The following VWA3B variants were observed in gnomAD, a reference collection of about 807,000 sequenced individuals.
VWA3B encodes von Willebrand factor A domain-containing protein 3B.
In VWA3B, 138 loss-of-function variants were observed where a neutral mutation model predicts 158.3. The ratio of observed to expected loss-of-function variants is 0.87; its 90% CI spans 0.76 to 1.00. The LOEUF is 1.00. Among genes scored for constraint, VWA3B ranks in the 50% least tolerant of loss-of-function variants. VWA3B has a pLI of 0.00. For missense variants in VWA3B, 1,555 were observed against 1,565.1 expected, an observed-to-expected ratio of 0.99 and a Z score of 0.11; for synonymous variants, 596 against 587.3, an observed-to-expected ratio of 1.01 and a Z score of -0.21.
intron 9 of VWA3B, among the ~76,000 whole-genome samples, chr2:98,181,996 G>A (rs1484015362): frequency 6.6e-6 from 1 of 152,244 alleles, no homozygotes; most frequent in African/African-American, 2.4e-5. Flanking sequence ...GTGTCCCAAT[G>A]TGAAATAGAA....
chr2:98,208,462 G>A (rs1027106026), intron 12 of VWA3B, among the ~76,000 whole-genome samples: 1 of 151,848 alleles, frequency 6.6e-6, no homozygotes, highest in Non-Finnish European at 1.5e-5. Context: ...CTTCCTATGG[G>A]TTATTTGAGC....
At chr2:98,185,711 C>T (rs958531492) in intron 9 of VWA3B, among the ~76,000 whole-genome samples, 7 of 152,144 alleles carry the variant, frequency 4.6e-5, no homozygotes, top group African/African-American at 7.2e-5. Context: ...TCTCCCAGGC[C>T]GAATTGTCCT....
chr2:98,290,163 G>A (rs1689400776), intron 22 of VWA3B, among the ~76,000 whole-genome samples: 1 of 152,150 alleles, frequency 6.6e-6, no homozygotes, highest in Non-Finnish European at 1.5e-5. Context: ...CAATTGGGGA[G>A]GCCACAGGAA....
At chr2:98,214,542 T>C (rs1683813781) in intron 13 of VWA3B, among the ~76,000 whole-genome samples, 1 of 152,194 alleles carries the variant, frequency 6.6e-6, no homozygotes, top group African/African-American at 2.4e-5. Context: ...TTTTTTTGTA[T>C]CTCCTTTCAG....
intron 12 of VWA3B, among the ~76,000 whole-genome samples, chr2:98,198,484 C>T (rs745762794): frequency 6.6e-6 from 1 of 152,090 alleles, no homozygotes; most frequent in Non-Finnish European, 1.5e-5. Context: ...TCATTGGTTA[C>T]AGTCTGCATT....
At chr2:98,188,336 G>A (rs111309527) in intron 10 of VWA3B, among the ~76,000 whole-genome samples, 4,981 of 152,082 alleles carry the variant, frequency 0.033, 266 homozygotes, top group African/African-American at 0.11. Context: ...AACACACGTC[G>A]TTTCTGTATG....
intron 12 of VWA3B, chr2:98,206,911 G>A (rs1683068143): frequency 2.3e-6 from 1 of 440,340 alleles, no homozygotes. Context: ...GTCTGGTGTT[G>A]TCAACTTAAA....
chr2:98,123,107 G>A (rs1042551647), intron 5 of VWA3B, among the ~76,000 whole-genome samples: 5 of 152,172 alleles, frequency 3.3e-5, no homozygotes, highest in Non-Finnish European at 7.3e-5. Flanking sequence ...GGGGGAGTGG[G>A]TTCCCATAAG....
chr2:98,316,572 G>A (rs1231705702), downstream of VWA3B, among the ~76,000 whole-genome samples: 6 of 151,406 alleles, frequency 4.0e-5, no homozygotes, highest in Non-Finnish European at 7.4e-5. Context: ...GCTTGAACCC[G>A]TGAGGCAGAG....
At chr2:98,326,732 G>C in the VWA3B span, among the ~76,000 whole-genome samples, 1 of 152,154 alleles carries the variant, frequency 6.6e-6, no homozygotes, top group Non-Finnish European at 1.5e-5. Flanking sequence ...ACTCCAGCCT[G>C]GGCAACAGAG....
chr2:98,123,409 G>C (rs924230553), intron 5 of VWA3B, among the ~76,000 whole-genome samples: 1 of 152,186 alleles, frequency 6.6e-6, no homozygotes, highest in African/African-American at 2.4e-5. Flanking sequence ...GCTGAACCAC[G>C]TGCTTGGTCA....
intron 22 of VWA3B, among the ~76,000 whole-genome samples, chr2:98,278,461 G>T (rs529498160): frequency 2.0e-5 from 3 of 152,332 alleles, no homozygotes; most frequent in African/African-American, 7.2e-5. Flanking sequence ...TGTTCAGCAT[G>T]CAGGAAGAAT....
intron 21 of VWA3B, among the ~76,000 whole-genome samples, chr2:98,270,313 G>T (rs1219156009): frequency 6.6e-6 from 1 of 152,192 alleles, no homozygotes; most frequent in African/African-American, 2.4e-5. Context: ...GCATACTTGT[G>T]TGAAATCTCT....
chr2:98,094,183 G>T (rs1376352628), intron 2 of VWA3B, among the ~76,000 whole-genome samples: 2 of 152,078 alleles, frequency 1.3e-5, no homozygotes, highest in East Asian at 3.9e-4. Context: ...TGGATCATAT[G>T]GTAGTTCTAT....
At chr2:98,270,141 T>A (rs556240266) in intron 21 of VWA3B, among the ~76,000 whole-genome samples, 2 of 152,346 alleles carry the variant, frequency 1.3e-5, no homozygotes, top group Admixed American at 1.3e-4. Flanking sequence ...GCTTCTGTTC[T>A]TTATGTATCA....
the VWA3B span, among the ~76,000 whole-genome samples, chr2:98,328,363 G>T: frequency 9.2e-5 from 14 of 152,036 alleles, 1 homozygote; most frequent in Middle Eastern, 0.017. Flanking sequence ...ACTGCAATAA[G>T]GCAAGAAAAA....
At chr2:98,284,609 C>T (rs1405023790) in intron 22 of VWA3B, among the ~76,000 whole-genome samples, 1 of 152,170 alleles carries the variant, frequency 6.6e-6, no homozygotes, top group Non-Finnish European at 1.5e-5. Context: ...ATGGCAAATA[C>T]ATAGCTATAG....
intron 21 of VWA3B, among the ~76,000 whole-genome samples, chr2:98,263,265 C>T (rs1687593551): frequency 6.6e-6 from 1 of 151,736 alleles, no homozygotes; most frequent in Non-Finnish European, 1.5e-5. Flanking sequence ...CTTTTTCTTG[C>T]CTAATTTCTC....
Position 98,312,534 on chromosome 2 carries a change from GA to G in VWA3B, c.*186del. On this transcript the variant is annotated 3_prime_UTR_variant, in exon 28 of 28. Transcript: ENST00000477737. Reference sequence around the variant, plus strand: ...CTGCTGCCTCCCCTACCCGTTTGACGACTTGGTTCTGGCTTTTTCTGACTGT... The same window carrying G: ...CTGCTGCCTCCCCTACCCGTTTGACGCTTGGTTCTGGCTTTTTCTGACTGT... 1 of 686,008 alleles carries G rather than the reference GA, an allele frequency of 1.5e-6. No homozygotes were observed. The highest frequency in any genetic ancestry group is 2.3e-6 in the Non-Finnish European group (1 of 437,468). 42.5% of individuals were successfully genotyped at this position (686,008 alleles called of 1,614,324 possible).
Sources: allele counts gnomAD v4.1 joint callset (sites outside exome capture counted in the v4.1 genomes callset), GRCh38; gene constraint gnomAD v4.1.1; transcripts MANE v1.5; gene names NCBI Gene and HGNC (gene_info 2026-07-23, HGNC 2026-07-21).